FRYL: variants seen among roughly 807,000 people sequenced by gnomAD.
FRYL encodes the protein protein furry homolog-like.
In FRYL, 150 loss-of-function variants were observed where a neutral mutation model predicts 351.2. The ratio of observed to expected loss-of-function variants is 0.43; its 90% CI spans 0.37 to 0.49. FRYL has a LOEUF of 0.49. Among genes scored for constraint, FRYL ranks in the 20% least tolerant of loss-of-function variants. The pLI is 0.00. For missense variants in FRYL, 3,036 were observed against 3,619.3 expected (o/e 0.84, Z 4.13); for synonymous variants, 1,153 against 1,257.1 (o/e 0.92, Z 1.75).
intron 1 of FRYL, among the ~76,000 whole-genome samples, chr4:48,768,160 C>T (rs1001077065): frequency 2.6e-5 from 4 of 152,206 alleles, no homozygotes; most frequent in African/African-American, 9.7e-5. Flanking sequence ...GTGATGTCCT[C>T]TCATTTGTTC....
Position 48,681,910 on chromosome 4 carries a change from C to T in FRYL, c.-81+2763G>A, listed in dbSNP as rs115736080. On this transcript the variant is annotated intron_variant, in intron 3 of 63. Transcript: ENST00000358350. Reference sequence around the variant, plus strand: ...AAATATTTGGAAATAGCAAAAGTAGCCAATCCTACTGCTTTGATGTAATTC... The same window carrying T: ...AAATATTTGGAAATAGCAAAAGTAGTCAATCCTACTGCTTTGATGTAATTC... Among the ~76,000 whole-genome samples, 953 of 152,252 alleles carry T rather than the reference C, an allele frequency of 6.3e-3. 2 individuals carry two copies. The highest frequency in any genetic ancestry group is 0.01 in the Non-Finnish European group (705 of 68,000).
intron 9 of FRYL, among the ~76,000 whole-genome samples, chr4:48,607,834 C>A (rs980587572): frequency 6.6e-6 from 1 of 152,180 alleles, no homozygotes; most frequent in African/African-American, 2.4e-5. Context: ...ACTATCCTTG[C>A]CATCTAGAGT....
intron 3 of FRYL, among the ~76,000 whole-genome samples, chr4:48,644,046 C>A (rs377630600): frequency 6.6e-6 from 1 of 152,132 alleles, no homozygotes; most frequent in African/African-American, 2.4e-5. Context: ...CAGGATCAAG[C>A]GATTCTTCTG....
intron 9 of FRYL, among the ~76,000 whole-genome samples, chr4:48,608,238 C>T (rs928674203): frequency 1.1e-4 from 16 of 152,050 alleles, no homozygotes; most frequent in Non-Finnish European, 1.9e-4. Context: ...AAAATGCAAA[C>T]TACTTAAACA....
chr4:48,764,063 G>A (rs1388234716), intron 1 of FRYL, among the ~76,000 whole-genome samples: 8 of 152,064 alleles, frequency 5.3e-5, no homozygotes, highest in Non-Finnish European at 7.4e-5. Flanking sequence ...CCAGCTACTC[G>A]GGAGGCTGAG....
intron 1 of FRYL, among the ~76,000 whole-genome samples, chr4:48,779,591 C>G (rs1168283709): frequency 6.6e-6 from 1 of 152,018 alleles, no homozygotes; most frequent in Non-Finnish European, 1.5e-5. Context: ...CCTTCCCAGC[C>G]GAGGCGGCGG....
intron 3 of FRYL, among the ~76,000 whole-genome samples, chr4:48,674,598 G>T (rs1763249750): frequency 1.3e-5 from 2 of 151,676 alleles, no homozygotes; most frequent in Non-Finnish European, 2.9e-5. Flanking sequence ...TTAGCCGGGC[G>T]TGGTGGCGGG....
intron 26 of FRYL, among the ~76,000 whole-genome samples, chr4:48,571,137 A>C (rs1189413573): frequency 1.3e-5 from 2 of 152,218 alleles, no homozygotes; most frequent in African/African-American, 4.8e-5. Context: ...ACATGGTGAC[A>C]ACCCCTGTGT....
chr4:48,515,255 C>T lies in FRYL; in HGVS notation c.7710G>A (p.Lys2570=). ...RLPEDTTSVL[K]EEHVTTFEDE... is the part of the protein sequence containing the mutation. ...CTTCAAAGGTTGTAACATGTTCCTC[C>T]TTTAATACTGAAGTTGTATCCTACA... Residue 2570 remains lysine (K), a synonymous_variant, in exon 56 of 64, where the codon AAG becomes AAA. Transcript: ENST00000358350. 1.2e-6 allele frequency: 2 copies of T among 1,608,302 alleles called. No homozygotes were observed. Among genetic ancestry groups the T allele is most frequent in the Middle Eastern group, 1.7e-4 (1 of 6,060 alleles).
At chr4:48,564,599 GA>G (rs1310966834) in intron 30 of FRYL, among the ~76,000 whole-genome samples, 1 of 152,112 alleles carries the variant, frequency 6.6e-6, no homozygotes, top group Non-Finnish European at 1.5e-5. Flanking sequence ...AAAACGAAAT[GA>G]AACATAGCAA....
intron 42 of FRYL, among the ~76,000 whole-genome samples, 191 bp downstream of exon 42, chr4:48,545,876 C>T (rs1731222840): frequency 6.6e-6 from 1 of 152,096 alleles, no homozygotes; most frequent in Admixed American, 6.6e-5. Flanking sequence ...GATTAAAGTC[C>T]TGAGGTATAA....
intron 3 of FRYL, among the ~76,000 whole-genome samples, chr4:48,646,463 G>A (rs62309719): frequency 0.13 from 19,519 of 152,116 alleles, 1,580 homozygotes; most frequent in Middle Eastern, 0.21. Context: ...ATCTAAAATC[G>A]TCAAAAATGC....
intron 44 of FRYL, among the ~76,000 whole-genome samples, chr4:48,543,199 A>G (rs1025985221): frequency 6.6e-6 from 1 of 152,192 alleles, no homozygotes; most frequent in Non-Finnish European, 1.5e-5. Flanking sequence ...ATCTCTTCAA[A>G]AATCACCTTC....
chr4:48,711,526 T>C (rs565319890), intron 1 of FRYL, among the ~76,000 whole-genome samples: 9 of 152,326 alleles, frequency 5.9e-5, no homozygotes, highest in Non-Finnish European at 1.2e-4. Flanking sequence ...GCGCCCACCA[T>C]TGCCCAGGCT....
At chr4:48,766,963 G>T (rs1177560082) in intron 1 of FRYL, among the ~76,000 whole-genome samples, 1 of 146,470 alleles carries the variant, frequency 6.8e-6, no homozygotes, top group Non-Finnish European at 1.5e-5. Flanking sequence ...CAGATGAATG[G>T]ATAAAAAATC....
chr4:48,582,529 C>T lies in FRYL; in HGVS notation c.1954G>A (p.Ala652Thr), dbSNP rs1741163944. The change falls in exon 20 of 64, where the codon GCC (alanine) becomes ACC (threonine). Residue 652 changes from alanine (A) to threonine (T), a missense_variant. Ala to Thr is a moderately conservative substitution (Grantham distance 58, BLOSUM62 0). This residue lies in a region of FRYL where 492 missense variants were observed against 551.5 expected (regional missense o/e 0.89). Coordinates refer to ENST00000358350, the MANE Select transcript of FRYL (RefSeq NM_015030.2). ...VQLINQWKQA[A>T]QMHNKNQDTQ... Reference sequence around the variant, plus strand: ...TCCTGGTTTTTATTATGCATTTGGGCTGCTTGTTTCCACTGATTTATTAAT... The same window carrying T: ...TCCTGGTTTTTATTATGCATTTGGGTTGCTTGTTTCCACTGATTTATTAAT... The T allele has an allele frequency of 6.2e-7, 1 of 1,613,772 alleles. No homozygotes were observed. The highest frequency in any genetic ancestry group is 2.2e-5 in the East Asian group (1 of 44,868).
chr4:48,660,132 A>G (rs1403936114), intron 3 of FRYL, among the ~76,000 whole-genome samples: 2 of 151,900 alleles, frequency 1.3e-5, no homozygotes, highest in African/African-American at 4.8e-5. Flanking sequence ...AAATAAAACA[A>G]TGTGGTATGT....
chr4:48,696,837 C>T (rs989853892), intron 2 of FRYL, among the ~76,000 whole-genome samples: 1 of 144,942 alleles, frequency 6.9e-6, no homozygotes, highest in African/African-American at 2.6e-5. Context: ...AGAAAAATAA[C>T]GATAAGAGAT....
chr4:48,507,414 T>TTAAC (rs909408954), intron 59 of FRYL, among the ~76,000 whole-genome samples: 9 of 151,798 alleles, frequency 5.9e-5, no homozygotes, highest in Admixed American at 3.3e-4. Flanking sequence ...GTTAAAATTT[T>TTAAC]TAACTGTCGA....
Sources: allele counts gnomAD v4.1 joint callset (sites outside exome capture counted in the v4.1 genomes callset), GRCh38; gene constraint gnomAD v4.1.1; regional missense constraint gnomAD v4.1.1; transcripts MANE v1.5; gene names NCBI Gene and HGNC (gene_info 2026-07-23, HGNC 2026-07-21).